SLC9A9: variants seen among roughly 807,000 people sequenced by gnomAD.
SLC9A9 encodes sodium/hydrogen exchanger 9.
In SLC9A9, 62 loss-of-function variants were observed where a neutral mutation model predicts 77.8. That is an observed-to-expected ratio of 0.80 (90% CI 0.65 to 0.98). The LOEUF is 0.98. SLC9A9 is among the 50% of genes least tolerant of loss of function. The probability of loss-of-function intolerance (pLI) is 0.00; values close to 1 mark genes in which losing one functional copy is unlikely to be tolerated. For missense variants in SLC9A9, 775 were observed against 774.9 expected, an observed-to-expected ratio of 1.00 and a Z score of 0.00; for synonymous variants, 320 against 283.5, an observed-to-expected ratio of 1.13 and a Z score of -1.29.
At chr3:143,499,681 G>T (rs2035896493) in intron 9 of SLC9A9, among the ~76,000 whole-genome samples, 1 of 151,830 alleles carries the variant, frequency 6.6e-6, no homozygotes, top group Admixed American at 6.6e-5. Context: ...GTGAGATATG[G>T]GCATCTTTGT....
chr3:143,768,982 T>C (rs2007422369), intron 4 of SLC9A9, among the ~76,000 whole-genome samples: 1 of 152,212 alleles, frequency 6.6e-6, no homozygotes. Flanking sequence ...TCTACTCAGG[T>C]TGCCCCATTT....
At chr3:143,478,512 C>T (rs892049356) in intron 11 of SLC9A9, among the ~76,000 whole-genome samples, 2 of 152,194 alleles carry the variant, frequency 1.3e-5, no homozygotes, top group African/African-American at 4.8e-5. Context: ...GAGGCTTGGT[C>T]AGTCTGGGAA....
intron 4 of SLC9A9, among the ~76,000 whole-genome samples, chr3:143,772,924 T>G (rs768849312): frequency 1.3e-5 from 2 of 152,202 alleles, no homozygotes; most frequent in Non-Finnish European, 2.9e-5. Context: ...AAACTTTAAG[T>G]GGTCATGGTT....
At chr3:143,662,309 T>C (rs1020655387) in intron 5 of SLC9A9, among the ~76,000 whole-genome samples, 2 of 152,134 alleles carry the variant, frequency 1.3e-5, no homozygotes, top group Non-Finnish European at 2.9e-5. Flanking sequence ...ATAAAATACG[T>C]ATATGAAAGT....
chr3:143,327,987 T>C (rs1219396415), intron 14 of SLC9A9, among the ~76,000 whole-genome samples: 1 of 152,258 alleles, frequency 6.6e-6, no homozygotes, highest in Admixed American at 6.5e-5. Context: ...AAGGCATTTT[T>C]CTATATGGAC....
chr3:143,558,924 C>T (rs2037035362), intron 8 of SLC9A9, among the ~76,000 whole-genome samples: 1 of 152,028 alleles, frequency 6.6e-6, no homozygotes, highest in Non-Finnish European at 1.5e-5. Context: ...ACTTATAGTT[C>T]CCATAATCCC....
At chr3:143,320,196 C>T (rs2031369125) in intron 14 of SLC9A9, among the ~76,000 whole-genome samples, 1 of 152,250 alleles carries the variant, frequency 6.6e-6, no homozygotes, top group South Asian at 2.1e-4. Flanking sequence ...GCCCTTCATC[C>T]ATCTTACTAT....
At chr3:143,799,411 C>T (rs906342700) in intron 2 of SLC9A9, among the ~76,000 whole-genome samples, 2 of 152,200 alleles carry the variant, frequency 1.3e-5, no homozygotes, top group Non-Finnish European at 2.9e-5. Flanking sequence ...GTAGAGGCAG[C>T]CAAGTAGCAA....
At chr3:143,802,553 C>T (rs1007656713) in intron 2 of SLC9A9, among the ~76,000 whole-genome samples, 2 of 152,144 alleles carry the variant, frequency 1.3e-5, no homozygotes, top group South Asian at 2.1e-4. Flanking sequence ...AGAAGGCCAC[C>T]GTGGTCATTT....
chr3:143,833,823 A>G (rs968973737), intron 1 of SLC9A9, among the ~76,000 whole-genome samples: 2 of 152,198 alleles, frequency 1.3e-5, no homozygotes, highest in Non-Finnish European at 2.9e-5. Context: ...TATATACAGA[A>G]AGACATAAGA....
intron 12 of SLC9A9, among the ~76,000 whole-genome samples, chr3:143,418,926 A>C (rs1484421670): frequency 1.3e-5 from 2 of 152,144 alleles, no homozygotes; most frequent in Non-Finnish European, 2.9e-5. Flanking sequence ...TTTTATACAC[A>C]ATGATTGTGC....
At chr3:143,747,449 G>C (rs967313191) in intron 4 of SLC9A9, among the ~76,000 whole-genome samples, 2 of 151,388 alleles carry the variant, frequency 1.3e-5, no homozygotes, top group Non-Finnish European at 2.9e-5. Flanking sequence ...GATGTGATTA[G>C]GTGAAAAATC....
At chr3:143,529,155 C>CA (rs1264265427) in intron 9 of SLC9A9, among the ~76,000 whole-genome samples, 2 of 152,042 alleles carry the variant, frequency 1.3e-5, no homozygotes, top group Admixed American at 6.6e-5. Context: ...GCCTCTCAAG[C>CA]AAAAAATGCA....
chr3:143,757,495 A>G (rs2006962491), intron 4 of SLC9A9, among the ~76,000 whole-genome samples: 1 of 152,162 alleles, frequency 6.6e-6, no homozygotes, highest in African/African-American at 2.4e-5. Flanking sequence ...AATTTTTGCA[A>G]CAGTGGAACT....
At chr3:143,802,641 A>G (rs1316493737) in intron 2 of SLC9A9, among the ~76,000 whole-genome samples, 1 of 152,118 alleles carries the variant, frequency 6.6e-6, no homozygotes. Context: ...AGCCTTTACT[A>G]GTTAAATTAC....
chr3:143,641,635 C>T (rs972772794), intron 6 of SLC9A9, among the ~76,000 whole-genome samples: 5 of 152,008 alleles, frequency 3.3e-5, no homozygotes, highest in African/African-American at 4.8e-5. Flanking sequence ...CCTCGTGATC[C>T]GCCAGCCTTG....
chr3:143,640,114 C>G (rs1257335030), intron 6 of SLC9A9, among the ~76,000 whole-genome samples: 1 of 151,024 alleles, frequency 6.6e-6, no homozygotes, highest in Non-Finnish European at 1.5e-5. Context: ...CTCCACCTCC[C>G]GGGTTCAAGC....
intron 5 of SLC9A9, among the ~76,000 whole-genome samples, chr3:143,689,650 T>G (rs926055760): frequency 6.7e-6 from 1 of 149,120 alleles, no homozygotes; most frequent in Non-Finnish European, 1.5e-5. Context: ...GCTCAAGTGA[T>G]CCTCTCACCT....
At chr3:143,670,317 C>T (rs1487604527) in intron 5 of SLC9A9, among the ~76,000 whole-genome samples, 1 of 152,162 alleles carries the variant, frequency 6.6e-6, no homozygotes, top group Non-Finnish European at 1.5e-5. Flanking sequence ...AGCCCTGATG[C>T]AGTGCTGGGA....
Sources: gnomAD v4.1 joint callset for allele counts (sites outside exome capture counted in the v4.1 genomes callset) on GRCh38, gnomAD v4.1.1 for gene constraint, MANE v1.5 for transcripts, NCBI Gene and HGNC (gene_info 2026-07-23, HGNC 2026-07-21) for gene names.